The following MPPED2 variants were observed in gnomAD, a reference collection of about 807,000 sequenced individuals.
MPPED2 encodes the protein metallophosphoesterase domain containing 2, also known as metallophosphoesterase MPPED2.
A neutral mutation model predicts 33.0 loss-of-function variants in MPPED2; 5 were observed. The ratio of observed to expected loss-of-function variants is 0.15; its 90% CI spans 0.08 to 0.32. MPPED2 has a LOEUF of 0.32. MPPED2 is among the 10% of genes least tolerant of loss of function. The probability of loss-of-function intolerance (pLI) is 1.00; values close to 1 mark genes in which losing one functional copy is unlikely to be tolerated. For synonymous variants in MPPED2, 136 were observed against 141.9 expected, an observed-to-expected ratio of 0.96 and a Z score of 0.29; for missense variants, 275 against 372.1, an observed-to-expected ratio of 0.74 and a Z score of 2.15.
At chr11:30,509,394 C>T (rs1184884623) in intron 3 of MPPED2, among the ~76,000 whole-genome samples, 1 of 152,120 alleles carries the variant, frequency 6.6e-6, no homozygotes, top group African/African-American at 2.4e-5. Flanking sequence ...AGCCTTTGTT[C>T]CCGGTAGCTC....
intron 2 of MPPED2, among the ~76,000 whole-genome samples, chr11:30,542,046 C>CACA (rs1955150190): frequency 6.6e-6 from 1 of 152,188 alleles, no homozygotes; most frequent in African/African-American, 2.4e-5. Context: ...AACCTGCCAG[C>CACA]ACAACAATGA....
intron 3 of MPPED2, among the ~76,000 whole-genome samples, chr11:30,525,080 C>G (rs924627966): frequency 6.6e-5 from 10 of 152,202 alleles, no homozygotes; most frequent in South Asian, 2.1e-4. Context: ...AGGCCTCCCA[C>G]TGACAAATCT....
intron 4 of MPPED2, among the ~76,000 whole-genome samples, chr11:30,493,301 G>A (rs1952073384): frequency 6.6e-6 from 1 of 151,486 alleles, no homozygotes; most frequent in Admixed American, 6.6e-5. Context: ...AACCCGGAAG[G>A]CGGAGCTTGC....
intron 2 of MPPED2, among the ~76,000 whole-genome samples, chr11:30,553,264 A>G (rs74501622): frequency 0.021 from 3,155 of 152,348 alleles, 102 homozygotes; most frequent in African/African-American, 0.067. Context: ...TTAAAAAAGA[A>G]GGCAGAAGGG....
At chr11:30,418,663 A>G (rs757776940) in intron 4 of MPPED2, among the ~76,000 whole-genome samples, 12 of 152,356 alleles carry the variant, frequency 7.9e-5, no homozygotes, top group Non-Finnish European at 1.6e-4. Flanking sequence ...GGCCAAGCCC[A>G]ACTTACCCTT....
At chr11:30,583,438 G>C (rs1957289795) in intron 1 of MPPED2, among the ~76,000 whole-genome samples, 1 of 151,864 alleles carries the variant, frequency 6.6e-6, no homozygotes, top group Admixed American at 6.6e-5. Context: ...CAAAACAAAG[G>C]AACCCAGGAC....
intron 2 of MPPED2, among the ~76,000 whole-genome samples, chr11:30,578,123 A>C (rs1181703303): frequency 6.6e-6 from 1 of 152,132 alleles, no homozygotes; most frequent in African/African-American, 2.4e-5. Flanking sequence ...TTGGAAACGG[A>C]TAGGTAGAAA....
intron 4 of MPPED2, among the ~76,000 whole-genome samples, chr11:30,445,710 G>A (rs187533199): frequency 2.6e-5 from 4 of 152,230 alleles, no homozygotes; most frequent in Admixed American, 6.5e-5. Context: ...TACAATATAC[G>A]TTCTTTTGTG....
At chr11:30,408,288 T>C (rs1057092228), downstream of MPPED2, among the ~76,000 whole-genome samples, 2 of 152,194 alleles carry the variant, frequency 1.3e-5, no homozygotes, top group South Asian at 2.1e-4. Flanking sequence ...ACTTGAGGGA[T>C]AGGATATATC....
chr11:30,568,901 C>G (rs555058849), intron 2 of MPPED2, among the ~76,000 whole-genome samples: 3 of 152,274 alleles, frequency 2.0e-5, no homozygotes, highest in Admixed American at 6.5e-5. Context: ...TCCCTAAAAC[C>G]AGCTCCCAAA....
At chr11:30,431,969 G>A (rs1949097469) in intron 4 of MPPED2, among the ~76,000 whole-genome samples, 1 of 152,166 alleles carries the variant, frequency 6.6e-6, no homozygotes, top group African/African-American at 2.4e-5. Flanking sequence ...GAGGTCAGGA[G>A]TTTAAGACCA....
chr11:30,450,938 C>T (rs1950032220), intron 4 of MPPED2, among the ~76,000 whole-genome samples: 1 of 152,222 alleles, frequency 6.6e-6, no homozygotes, highest in Non-Finnish European at 1.5e-5. Flanking sequence ...TCTGGCTTCC[C>T]AGTATTATTT....
chr11:30,562,068 T>C (rs911354622), intron 2 of MPPED2, among the ~76,000 whole-genome samples: 34 of 152,256 alleles, frequency 2.2e-4, no homozygotes, highest in African/African-American at 7.5e-4. Context: ...TGTCTCCAAA[T>C]GGAAAAGACC....
At chr11:30,453,537 A>C (rs922397409) in intron 4 of MPPED2, among the ~76,000 whole-genome samples, 1 of 152,214 alleles carries the variant, frequency 6.6e-6, no homozygotes, top group Admixed American at 6.5e-5. Flanking sequence ...GTTAACGCCA[A>C]GCCCTACGTA....
intron 4 of MPPED2, among the ~76,000 whole-genome samples, chr11:30,422,709 A>T (rs1305443418): frequency 6.6e-6 from 1 of 152,198 alleles, no homozygotes; most frequent in Non-Finnish European, 1.5e-5. Flanking sequence ...AAAGGACTTA[A>T]TAATTAGCTG....
At chr11:30,507,011 T>C (rs1220093487) in intron 3 of MPPED2, among the ~76,000 whole-genome samples, 1 of 152,196 alleles carries the variant, frequency 6.6e-6, no homozygotes, top group Non-Finnish European at 1.5e-5. Context: ...TTGGCTAATA[T>C]TACATTAGAC....
At chr11:30,570,525 G>A (rs1055401711) in intron 2 of MPPED2, among the ~76,000 whole-genome samples, 5 of 152,052 alleles carry the variant, frequency 3.3e-5, no homozygotes, top group South Asian at 2.1e-4. Flanking sequence ...TTAAAAAATC[G>A]AATACAGTTT....
chr11:30,449,554 G>A (rs1179311817), intron 4 of MPPED2, among the ~76,000 whole-genome samples: 1 of 147,680 alleles, frequency 6.8e-6, no homozygotes, highest in East Asian at 1.9e-4. Flanking sequence ...GAAGTGGGAG[G>A]ACTACCTGAG....
chr11:30,384,670 C>T (rs1245291880), exon 7 of MPPED2: 1 of 151,848 alleles, frequency 6.6e-6, no homozygotes, highest in Non-Finnish European at 1.5e-5. Flanking sequence ...CCATGTTGGC[C>T]AGGATGGTCT....
Sources: allele counts gnomAD v4.1 joint callset (sites outside exome capture counted in the v4.1 genomes callset), GRCh38; gene constraint gnomAD v4.1.1; transcripts MANE v1.5; gene names NCBI Gene and HGNC (gene_info 2026-07-23, HGNC 2026-07-21).